The following RASGRF2 variants were observed in gnomAD, a reference collection of about 807,000 sequenced individuals.
The protein encoded by RASGRF2 is Ras protein specific guanine nucleotide releasing factor 2, also known as ras-specific guanine nucleotide-releasing factor 2.
A neutral mutation model predicts 151.0 loss-of-function variants in RASGRF2; 76 were observed. The observed-to-expected ratio is 0.50, with a 90% CI of 0.42 to 0.61. The LOEUF is 0.61. RASGRF2 is among the 20% of genes least tolerant of loss of function. RASGRF2 has a pLI of 0.00. For synonymous variants in RASGRF2, 504 were observed against 566.5 expected (o/e 0.89, Z 1.57); for missense variants, 1,148 against 1,564.6 (o/e 0.73, Z 4.49).
At chr5:81,095,016 T>A in intron 12 of RASGRF2, 24 bp downstream of exon 12, 1 of 1,389,054 alleles carries the variant, frequency 7.2e-7, no homozygotes, top group Non-Finnish European at 9.4e-7. Flanking sequence ...TTTTGCCAAA[T>A]TTTTGTTTTT....
chr5:81,128,199 G>A (rs544559146), intron 17 of RASGRF2, among the ~76,000 whole-genome samples: 2 of 152,184 alleles, frequency 1.3e-5, no homozygotes, highest in Non-Finnish European at 2.9e-5. Context: ...GGAAGAATAA[G>A]TTCTGGAGAT....
chr5:81,123,581 A>G (rs1753369886), intron 15 of RASGRF2, 61 bp from the exon 16 acceptor site: 3 of 1,568,432 alleles, frequency 1.9e-6, no homozygotes, highest in Middle Eastern at 1.8e-4. Context: ...CATGCATGAT[A>G]CTGACAAGAA....
At chr5:81,109,421 C>T (rs964198640) in intron 13 of RASGRF2, among the ~76,000 whole-genome samples, 9 of 152,142 alleles carry the variant, frequency 5.9e-5, no homozygotes, top group African/African-American at 9.7e-5. Flanking sequence ...CTTCGGAGGC[C>T]GAGGCGGGTG....
Position 81,207,315 on chromosome 5 carries a change from C to G in RASGRF2, c.3037C>G (p.Leu1013Val), listed in dbSNP as rs748372944. ...AMELAEQITL[L>V]DHVIFRSIPY... ...GGAGCTGGCAGAACAGATCACCCTCCTGGACCATGTCATTTTCAGAAGCAT... is the reference window on the plus strand; with the variant it reads ...GGAGCTGGCAGAACAGATCACCCTCGTGGACCATGTCATTTTCAGAAGCAT... The change falls in exon 21 of 27, where the codon CTG becomes GTG. Residue 1013 changes from leucine (L) to valine (V), a missense_variant. Transcript: ENST00000265080. 2 of 1,614,154 alleles carry G rather than the reference C, an allele frequency of 1.2e-6. No homozygotes were observed. The highest frequency in any genetic ancestry group is 2.2e-5 in the South Asian group (2 of 91,080).
At position 81,085,720 on chromosome 5, in the gene RASGRF2, C is replaced by T. The variant is rs371370758; in HGVS notation, c.1162-82C>T. ...AGTGGGAGAGTAGAGACAAGCTTCT[C>T]GAAGCAATGATGGCCCTGCGGAGCA... On this transcript the variant is annotated intron_variant, in intron 7 of 26. Transcript: ENST00000265080. 3.2e-4 allele frequency: 494 copies of T among 1,558,968 alleles called. 1 individual carries two copies. The East Asian group carries it at 8.6e-3, about 27-fold the overall frequency.
intron 19 of RASGRF2, among the ~76,000 whole-genome samples, chr5:81,201,907 T>C (rs1201226860): frequency 6.6e-6 from 1 of 152,246 alleles, no homozygotes; most frequent in Non-Finnish European, 1.5e-5. Context: ...CTCATTTCAC[T>C]GGTCCTCGAC....
At chr5:81,106,861 G>A (rs1395253660) in intron 12 of RASGRF2, among the ~76,000 whole-genome samples, 3 of 152,136 alleles carry the variant, frequency 2.0e-5, no homozygotes, top group African/African-American at 4.8e-5. Context: ...CACGAACTAG[G>A]ATAAGAGAAG....
intron 1 of RASGRF2, among the ~76,000 whole-genome samples, chr5:81,010,374 G>A (rs1308147393): frequency 7.9e-5 from 12 of 152,222 alleles, no homozygotes; most frequent in Non-Finnish European, 1.3e-4. Flanking sequence ...AGAAGCCATG[G>A]TATTTGGCTT....
chr5:81,135,712 T>A (rs1412824028), intron 17 of RASGRF2, among the ~76,000 whole-genome samples: 1 of 152,214 alleles, frequency 6.6e-6, no homozygotes. Flanking sequence ...TTCTGCTTTT[T>A]GGCTGCTGTG....
In RASGRF2 at chr5:80,988,016, T is replaced by C. The variant is rs1388383750; in HGVS notation, c.288+26990T>C. On this transcript the variant is annotated intron_variant, in intron 1 of 26. Transcript: ENST00000265080. ...GTTTTGAAATAAATGTGCGTGTGTGTGTGTGTGTGTGTGTGTGTGTGTGTG... is the reference window on the plus strand; with the variant it reads ...GTTTTGAAATAAATGTGCGTGTGTGCGTGTGTGTGTGTGTGTGTGTGTGTG... Among the ~76,000 whole-genome samples the C allele has an allele frequency of 7.1e-5, 9 of 125,974 alleles. No individual in the cohort carries two copies. The South Asian group carries it at 1.6e-3, about 23-fold the overall frequency. 82.6% of individuals were successfully genotyped at this position (125,974 alleles called of 152,430 possible). A position where few individuals can be genotyped will look rare whatever the true frequency, so the allele number is the denominator to read the frequency against.
Position 80,984,026 on chromosome 5 carries a change from G to A in RASGRF2, c.288+23000G>A, listed in dbSNP as rs1233160005. ...GTCTACAGACTTCTGTTTTCATGGA[G>A]CCTCTTGAATAAACTGAGCTCGTTT... is the stretch of plus-strand genomic sequence containing the variant. On this transcript the variant is annotated intron_variant, in intron 1 of 26. Coordinates refer to ENST00000265080, the MANE Select transcript of RASGRF2 (RefSeq NM_006909.3). 3.3e-5 allele frequency among the ~76,000 whole-genome samples: 5 copies of A among 152,060 alleles called. No individual in the cohort carries two copies. In the East Asian group the frequency reaches 9.6e-4, roughly 29 times the overall value.
At chr5:81,066,457 G>A (rs575642860) in intron 2 of RASGRF2, among the ~76,000 whole-genome samples, 3 of 152,144 alleles carry the variant, frequency 2.0e-5, no homozygotes, top group Non-Finnish European at 4.4e-5. Context: ...AACCAGTTTA[G>A]GTTAAAAGAA....
At chr5:81,143,064 T>TAG (rs917971271) in intron 17 of RASGRF2, among the ~76,000 whole-genome samples, 3 of 152,208 alleles carry the variant, frequency 2.0e-5, no homozygotes, top group Non-Finnish European at 2.9e-5. Context: ...GAAAAAATCT[T>TAG]AGGCTGGGAA....
chr5:80,960,396 G>C lies in RASGRF2; in HGVS notation c.-343G>C, dbSNP rs1444201322. Among the ~76,000 whole-genome samples the C allele has an allele frequency of 6.6e-6, 1 of 151,002 alleles. No individual in the cohort carries two copies. The highest frequency in any genetic ancestry group is 6.6e-5 in the Admixed American group (1 of 15,152). On this transcript the variant is annotated 5_prime_UTR_variant, in exon 1 of 27. Coordinates refer to ENST00000265080, the MANE Select transcript of RASGRF2 (RefSeq NM_006909.3). The surrounding 1 kb of genome is among the most constrained non-coding windows in gnomAD (Gnocchi z 5.5). ...CCCGGCTGCCGCCCCAGCCCGCCGC[G>C]GGGGCTCGGCTCCCGCAACTTTGGG...
chr5:81,012,963 A>T (rs1039003315), intron 1 of RASGRF2, among the ~76,000 whole-genome samples: 3 of 152,132 alleles, frequency 2.0e-5, no homozygotes, highest in African/African-American at 7.2e-5. Flanking sequence ...GAATCAGGGG[A>T]TTGGAAGGAA....
intron 1 of RASGRF2, among the ~76,000 whole-genome samples, chr5:81,026,163 T>TCTTCCTCC (rs56087457): frequency 1.4e-5 from 2 of 144,286 alleles, no homozygotes; most frequent in Non-Finnish European, 3.0e-5. Flanking sequence ...TCCCTCCCTC[T>TCTTCCTCC]CTTCCTCCCT....
chr5:80,962,633 T>G (rs1348612210), intron 1 of RASGRF2, among the ~76,000 whole-genome samples: 2 of 150,632 alleles, frequency 1.3e-5, no homozygotes, highest in Non-Finnish European at 1.5e-5. Context: ...CAGTTAGGGG[T>G]GGGGAGTTGT....
chr5:81,207,341 T>C lies in RASGRF2; in HGVS notation c.3063T>C (p.Ile1021=). Residue 1021 remains isoleucine (I), a synonymous_variant, in exon 21 of 27, where the codon ATT becomes ATC. Coordinates refer to ENST00000265080, the MANE Select transcript of RASGRF2 (RefSeq NM_006909.3). ...TGGACCATGTCATTTTCAGAAGCAT[T>C]CCCTACGAGTGAGTGCCACCCCCCA... ...TLLDHVIFRS[I]PYEEFLGQGW... is the part of the protein sequence containing the mutation. 1 of 1,613,788 alleles carries C rather than the reference T, an allele frequency of 6.2e-7. No individual in the cohort carries two copies. The highest frequency in any genetic ancestry group is 1.3e-5 in the African/African-American group (1 of 75,028).
intron 13 of RASGRF2, among the ~76,000 whole-genome samples, chr5:81,109,523 G>A (rs557035428): frequency 2.6e-5 from 4 of 152,220 alleles, no homozygotes; most frequent in South Asian, 4.2e-4. Context: ...AAAGTTAGCC[G>A]GGCATGATGG....
Sources: gnomAD v4.1 joint callset for allele counts (sites outside exome capture counted in the v4.1 genomes callset) on GRCh38, gnomAD v4.1.1 for gene constraint, Gnocchi (gnomAD v3.1) non-coding constraint, MANE v1.5 for transcripts, NCBI Gene and HGNC (gene_info 2026-07-23, HGNC 2026-07-21) for gene names.